The following PITPNM2 variants were observed in gnomAD, a reference collection of about 807,000 sequenced individuals.
PITPNM2 encodes phosphatidylinositol transfer protein membrane associated 2.
Under a neutral mutation model 132.2 loss-of-function variants are expected in PITPNM2, and 35 were observed. The ratio of observed to expected loss-of-function variants is 0.26; its 90% CI spans 0.20 to 0.35. The LOEUF (loss-of-function observed/expected upper bound fraction) is 0.35, where lower values mean the gene tolerates loss of function less well. PITPNM2 is among the 10% of genes least tolerant of loss of function. The probability of loss-of-function intolerance (pLI) is 1.00; values close to 1 mark genes in which losing one functional copy is unlikely to be tolerated. For missense variants in PITPNM2, 1,332 were observed against 1,912.0 expected (o/e 0.70, Z 5.66); for synonymous variants, 738 against 799.2 (o/e 0.92, Z 1.29).
At chr12:123,013,290 C>T (rs993783733) in intron 4 of PITPNM2, among the ~76,000 whole-genome samples, 2 of 152,214 alleles carry the variant, frequency 1.3e-5, no homozygotes, top group African/African-American at 4.8e-5. Context: ...CTTGTGGGAC[C>T]AGCTCCCATC....
rs1164987283 is a variant in PITPNM2, at chr12:123,004,990, C to A, written c.952+250G>T. Among the ~76,000 whole-genome samples the A allele has an allele frequency of 6.6e-6, 1 of 152,128 alleles. No homozygotes were observed. The highest frequency in any genetic ancestry group is 1.5e-5 in the Non-Finnish European group (1 of 68,006). ...CCTCCACCGCGCTGCAGGAGCCCAG[C>A]CACCTCCACTGCTCCTATGGGTAGC... is the stretch of plus-strand genomic sequence containing the variant. On this transcript the variant is annotated intron_variant, in intron 7 of 25. Coordinates refer to ENST00000320201, the MANE Select transcript of PITPNM2 (RefSeq NM_020845.3). This position sits in a 1 kb window ranked among gnomAD's most constrained non-coding sequence, Gnocchi z 4.9.
At chr12:123,127,137 C>A (rs1490743552) in intron 1 of PITPNM2, among the ~76,000 whole-genome samples, 3 of 152,210 alleles carry the variant, frequency 2.0e-5, no homozygotes, top group African/African-American at 4.8e-5. Context: ...AATGGACTTC[C>A]AGGCTCTGTG....
At chr12:123,025,249 T>C (rs1347294271) in intron 3 of PITPNM2, among the ~76,000 whole-genome samples, 1 of 152,284 alleles carries the variant, frequency 6.6e-6, no homozygotes, top group Admixed American at 6.5e-5. Context: ...CAGATGCACA[T>C]GCATACACAG....
Position 122,986,394 on chromosome 12 carries a change from G to A in PITPNM2, c.3726+42C>T, listed in dbSNP as rs374611856. On this transcript the variant is annotated intron_variant, in intron 25 of 25. Coordinates refer to ENST00000320201, the MANE Select transcript of PITPNM2 (RefSeq NM_020845.3). ...CGGCTGTCACAGGCTGGGGCTCCCCGAGCTGCCCGCCTGCACCCGCCCCCA... is the reference window on the plus strand; with the variant it reads ...CGGCTGTCACAGGCTGGGGCTCCCCAAGCTGCCCGCCTGCACCCGCCCCCA... 64 of 1,566,860 alleles carry A rather than the reference G, an allele frequency of 4.1e-5. No individual in the cohort carries two copies. In the African/African-American group the frequency reaches 5.7e-4, roughly 14 times the overall value.
At chr12:123,094,964 A>G (rs902650657) in intron 2 of PITPNM2, among the ~76,000 whole-genome samples, 12 of 152,230 alleles carry the variant, frequency 7.9e-5, no homozygotes, top group African/African-American at 2.7e-4. Context: ...AAATATTTAT[A>G]TGATCAGATT....
At chr12:123,037,905 C>T (rs750743091) in intron 2 of PITPNM2, among the ~76,000 whole-genome samples, 6 of 152,370 alleles carry the variant, frequency 3.9e-5, no homozygotes, top group Admixed American at 6.5e-5. Context: ...TGTTCCCCCA[C>T]GGACAAGCTG....
At chr12:122,988,468 C>A in intron 19 of PITPNM2, 118 bp from the exon 20 acceptor site, 1 of 868,844 alleles carries the variant, frequency 1.2e-6, no homozygotes, top group Non-Finnish European at 1.9e-6. Context: ...AGGGGGTGTT[C>A]TTCAACTCAC....
chr12:123,151,373 C>T (rs1384468152), upstream of PITPNM2, among the ~76,000 whole-genome samples: 1 of 151,988 alleles, frequency 6.6e-6, no homozygotes, highest in Non-Finnish European at 1.5e-5. Context: ...CCTCGCCCAC[C>T]GTCCGCAGCA....
chr12:123,052,064 G>A (rs936462493), intron 2 of PITPNM2, among the ~76,000 whole-genome samples: 3 of 149,746 alleles, frequency 2.0e-5, no homozygotes, highest in Non-Finnish European at 3.0e-5. Flanking sequence ...CACCATGCCC[G>A]GTTAATTTTA....
intron 2 of PITPNM2, among the ~76,000 whole-genome samples, chr12:123,047,359 C>T (rs2040695488): frequency 6.6e-6 from 1 of 152,110 alleles, no homozygotes; most frequent in Non-Finnish European, 1.5e-5. Context: ...TTCTAATGTT[C>T]TTAAATGATC....
intron 2 of PITPNM2, among the ~76,000 whole-genome samples, chr12:123,094,263 C>G (rs1301101878): frequency 6.6e-6 from 1 of 152,242 alleles, no homozygotes; most frequent in Non-Finnish European, 1.5e-5. Context: ...ACAGGTCTGC[C>G]AGCCAGAGGA....
rs200037826 is a variant in PITPNM2, at chr12:122,997,376, C to A, written c.1421G>T (p.Arg474Leu). The A allele has an allele frequency of 6.2e-7, 1 of 1,613,448 alleles. No individual in the cohort carries two copies. Among genetic ancestry groups the A allele is most frequent in the Non-Finnish European group, 8.5e-7 (1 of 1,179,974 alleles). ...YPSALGRLAIRLVPCPPVCSD... is the reference protein window; with the variant it reads ...YPSALGRLAILLVPCPPVCSD... ...GCAGACGGGCGGGCAGGGCACCAGGCGGATGGCAAGGCGGCCCAGGGCGCT... is the reference window on the plus strand; with the variant it reads ...GCAGACGGGCGGGCAGGGCACCAGGAGGATGGCAAGGCGGCCCAGGGCGCT... The change falls in exon 11 of 26, where the codon CGC (arginine) becomes CTC (leucine). Residue 474 changes from arginine (R) to leucine (L), a missense_variant. Arg to Leu is a moderately radical substitution (Grantham distance 102). This residue lies in a region of PITPNM2 where 710 missense variants were observed against 911.5 expected (regional missense o/e 0.78). Coordinates refer to ENST00000320201, the MANE Select transcript of PITPNM2 (RefSeq NM_020845.3).
In PITPNM2 at chr12:122,993,241, C is replaced by G. The variant is rs1425531652; in HGVS notation, c.2234-572G>C. On this transcript the variant is annotated intron_variant, in intron 15 of 25. Transcript: ENST00000320201. This position sits in a 1 kb window ranked among gnomAD's most constrained non-coding sequence, Gnocchi z 5.2. ...GAAACCCCTTCCACCCCAGATCCCC[C>G]CGAAGCTCCAGCTCATCTTGCGGGA... 1.3e-5 allele frequency among the ~76,000 whole-genome samples: 2 copies of G among 152,216 alleles called. No individual in the cohort carries two copies. The highest frequency in any genetic ancestry group is 2.9e-5 in the Non-Finnish European group (2 of 68,046).
chr12:122,985,362 G>C lies in PITPNM2; in HGVS notation c.*665C>G, dbSNP rs768135408. The C allele has an allele frequency of 2.0e-5, 3 of 152,486 alleles. No individual in the cohort carries two copies. Among genetic ancestry groups the C allele is most frequent in the African/African-American group, 7.2e-5 (3 of 41,434 alleles). 9.4% of individuals were successfully genotyped at this position (152,486 alleles called of 1,614,324 possible). On this transcript the variant is annotated 3_prime_UTR_variant, in exon 26 of 26. Transcript: ENST00000320201. ...ACAACACTGGCCTGGGCTCCAGGCG[G>C]GGCAGGCAGACAGGTGGGCAGGGTC...
intron 3 of PITPNM2, chr12:123,021,776 C>T (rs2039680590): frequency 1.1e-6 from 1 of 878,260 alleles, no homozygotes; most frequent in African/African-American, 1.8e-5. Context: ...TGTCTGGGTA[C>T]AAACCCTCCT....
At chr12:123,133,786 TAATG>T (rs1289268207) in intron 1 of PITPNM2, among the ~76,000 whole-genome samples, 1 of 134,118 alleles carries the variant, frequency 7.5e-6, no homozygotes, top group African/African-American at 2.8e-5. Flanking sequence ...TCACAATTAT[TAATG>T]AACACACACA....
At chr12:123,113,245 C>T (rs1302842011) in intron 1 of PITPNM2, among the ~76,000 whole-genome samples, 2 of 152,156 alleles carry the variant, frequency 1.3e-5, no homozygotes, top group East Asian at 1.9e-4. Flanking sequence ...GACTGTGAGG[C>T]AGGTGGCTAA....
chr12:123,071,617 C>A (rs1012650642), intron 2 of PITPNM2, among the ~76,000 whole-genome samples: 1 of 152,248 alleles, frequency 6.6e-6, no homozygotes, highest in Non-Finnish European at 1.5e-5. Context: ...TGGCCTGGCC[C>A]TGATCCTAGG....
intron 2 of PITPNM2, among the ~76,000 whole-genome samples, chr12:123,055,949 A>C (rs1162870176): frequency 6.6e-6 from 1 of 152,166 alleles, no homozygotes; most frequent in Non-Finnish European, 1.5e-5. Flanking sequence ...GACGAAAAGA[A>C]ATAGAGTGGC....
Sources: allele counts gnomAD v4.1 joint callset (sites outside exome capture counted in the v4.1 genomes callset), GRCh38; gene constraint gnomAD v4.1.1; regional missense constraint gnomAD v4.1.1; non-coding constraint Gnocchi (gnomAD v3.1); transcripts MANE v1.5; gene names NCBI Gene and HGNC (gene_info 2026-07-23, HGNC 2026-07-21).